CLCN5: variants seen among roughly 807,000 people sequenced by gnomAD.
CLCN5 encodes Cl-/H+ antiporter 5.
A neutral mutation model predicts 54.0 loss-of-function variants in CLCN5; 17 were observed. The observed-to-expected ratio is 0.31, with a 90% CI of 0.22 to 0.47. The LOEUF is 0.47. Ranked by LOEUF, CLCN5 falls within the 20% of genes least tolerant of loss-of-function variation. CLCN5 has a pLI of 1.00. For missense variants in CLCN5, 448 were observed against 646.7 expected (o/e 0.69, Z 3.33); for synonymous variants, 222 against 233.0 (o/e 0.95, Z 0.43).
intron 9 of CLCN5, among the ~76,000 whole-genome samples, chrX:50,083,212 A>C (rs1384999886): frequency 1.8e-5 from 2 of 110,821 alleles, no homozygotes; most frequent in East Asian, 2.8e-4. Flanking sequence ...AAAAAAATTA[A>C]CCACAAGACC....
chrX:50,000,707 G>A (rs1929756385), intron 3 of CLCN5, among the ~76,000 whole-genome samples: 2 of 111,813 alleles, frequency 1.8e-5, no homozygotes, highest in Admixed American at 9.5e-5. Context: ...CTTATCTTGT[G>A]TCTCAATTTC....
Position 50,085,962 on chromosome X carries a change from C to G in CLCN5, c.934-18C>G, listed in dbSNP as rs782610658. Reference sequence around the variant, plus strand: ...AAGCAGCATTATTCTGTCACTAATTCTGAGTTTTGGATTTTAGGTCTTGTC... The same window carrying G: ...AAGCAGCATTATTCTGTCACTAATTGTGAGTTTTGGATTTTAGGTCTTGTC... On this transcript the variant is annotated intron_variant, in intron 9 of 14. Transcript: ENST00000376091. The G allele has an allele frequency of 9.3e-6, 11 of 1,181,116 alleles. No homozygotes were observed. The South Asian group carries it at 2.0e-4, about 21-fold the overall frequency.
intron 3 of CLCN5, among the ~76,000 whole-genome samples, chrX:49,994,217 G>T (rs1557179324): frequency 9.0e-6 from 1 of 111,441 alleles, no homozygotes; most frequent in African/African-American, 3.3e-5. Flanking sequence ...TTTAAAATAT[G>T]CTGTGGCTTG....
At chrX:50,066,390 G>A (rs1226912295) in intron 4 of CLCN5, among the ~76,000 whole-genome samples, 3 of 111,422 alleles carry the variant, frequency 2.7e-5, no homozygotes, top group Non-Finnish European at 5.7e-5. Context: ...CAGGTCCCAT[G>A]CAGTGCCTCA....
chrX:50,002,679 C>CTGTGTG (rs782379027), intron 3 of CLCN5, among the ~76,000 whole-genome samples: 12 of 100,492 alleles, frequency 1.2e-4, no homozygotes, highest in African/African-American at 1.9e-4. Flanking sequence ...CTCTCTCTCT[C>CTGTGTG]TCTGTGTGTG....
intron 2 of CLCN5, 93 bp from the exon 3 acceptor site, chrX:49,925,078 A>G (rs1557167792): frequency 4.5e-6 from 2 of 444,513 alleles, no homozygotes; most frequent in Non-Finnish European, 7.8e-6. Context: ...CATATCTTTG[A>G]AAGAGAGGTT....
In CLCN5 at chrX:50,095,551, T is replaced by C. The variant is rs1934237690; in HGVS notation, c.*3332T>C. 8.9e-6 allele frequency: 1 copy of C among 112,553 alleles called. No homozygotes were observed. The allele number at this position is 112,553 out of a possible 1,213,427, so 9.3% of individuals were successfully genotyped here. On this transcript the variant is annotated 3_prime_UTR_variant, in exon 15 of 15. Coordinates refer to ENST00000376091, the MANE Select transcript of CLCN5 (RefSeq NM_001127898.4). ...TTTACCAGCTGGTGAAGCAAACGATTAATTTGTGATTGAACTGAAAAGCAG... is the reference window on the plus strand; with the variant it reads ...TTTACCAGCTGGTGAAGCAAACGATCAATTTGTGATTGAACTGAAAAGCAG...
chrX:49,959,797 A>T (rs2147302878), intron 3 of CLCN5, among the ~76,000 whole-genome samples: 1 of 110,990 alleles, frequency 9.0e-6, no homozygotes, highest in South Asian at 3.9e-4. Context: ...ATCATCCCAG[A>T]CCATGCCAGT....
chrX:50,056,452 G>A (rs893990150), intron 4 of CLCN5, among the ~76,000 whole-genome samples: 46 of 111,538 alleles, frequency 4.1e-4, no homozygotes, highest in African/African-American at 1.4e-3. Context: ...GGAGTGGGGC[G>A]CTGTTTACTT....
intron 3 of CLCN5, among the ~76,000 whole-genome samples, chrX:49,967,443 C>T (rs1161263340): frequency 1.6e-4 from 14 of 85,668 alleles, no homozygotes; most frequent in Non-Finnish European, 2.4e-4. Flanking sequence ...TCATGTCCTT[C>T]GCCCACTTTT....
intron 3 of CLCN5, among the ~76,000 whole-genome samples, chrX:49,953,179 C>T (rs1203304805): frequency 1.8e-5 from 2 of 110,683 alleles, no homozygotes; most frequent in Non-Finnish European, 3.8e-5. Context: ...AGCCACTGTG[C>T]CCGGCCGTGT....
intron 8 of CLCN5, among the ~76,000 whole-genome samples, 161 bp from the exon 9 acceptor site, chrX:50,081,480 T>G (rs1171999736): frequency 1.8e-5 from 2 of 111,881 alleles, no homozygotes; most frequent in Non-Finnish European, 3.8e-5. Flanking sequence ...CTTGCTTTCT[T>G]GGGCTCCTGG....
intron 4 of CLCN5, among the ~76,000 whole-genome samples, chrX:50,063,824 C>T (rs1377768673): frequency 9.9e-5 from 11 of 111,258 alleles, no homozygotes; most frequent in Non-Finnish European, 2.1e-4. Flanking sequence ...ATCAAGTGGG[C>T]GTCATCCCTG....
chrX:50,076,993 A>AG (rs1569540129), intron 7 of CLCN5, among the ~76,000 whole-genome samples: 1 of 112,246 alleles, frequency 8.9e-6, no homozygotes, highest in African/African-American at 3.2e-5. Context: ...CCACCAACAA[A>AG]GACAGGTACC....
At chrX:50,000,784 C>T (rs1478831398) in intron 3 of CLCN5, among the ~76,000 whole-genome samples, 3 of 111,849 alleles carry the variant, frequency 2.7e-5, no homozygotes, top group Non-Finnish European at 3.8e-5. Context: ...CTGAAGGAGG[C>T]GACGCATGTA....
At chrX:50,006,632 T>A (rs1340840656) in intron 3 of CLCN5, among the ~76,000 whole-genome samples, 1 of 111,667 alleles carries the variant, frequency 9.0e-6, no homozygotes, top group Non-Finnish European at 1.9e-5. Flanking sequence ...ATCCTTGGGG[T>A]ACAGGTGCCT....
intron 3 of CLCN5, among the ~76,000 whole-genome samples, chrX:49,948,520 G>A (rs1396369878): frequency 7.2e-5 from 8 of 111,365 alleles, no homozygotes; most frequent in East Asian, 2.8e-4. Context: ...AGCATTAAAC[G>A]GTAGATATTC....
chrX:50,058,392 G>A (rs1226255507), intron 4 of CLCN5, among the ~76,000 whole-genome samples: 1 of 110,453 alleles, frequency 9.1e-6, no homozygotes, highest in Non-Finnish European at 1.9e-5. Context: ...ATGGCATATT[G>A]GTTAGGGATT....
intron 3 of CLCN5, among the ~76,000 whole-genome samples, chrX:49,959,584 C>T (rs1481999413): frequency 8.9e-6 from 1 of 112,138 alleles, no homozygotes; most frequent in African/African-American, 3.2e-5. Flanking sequence ...GCTCATTTGC[C>T]GATAATTCCT....
Sources: gnomAD v4.1 joint callset for allele counts (sites outside exome capture counted in the v4.1 genomes callset) on GRCh38, gnomAD v4.1.1 for gene constraint, MANE v1.5 for transcripts, NCBI Gene and HGNC (gene_info 2026-07-23, HGNC 2026-07-21) for gene names.